TSHZ2: variants seen among roughly 807,000 people sequenced by gnomAD.
TSHZ2 encodes the protein teashirt zinc finger homeobox 2.
In TSHZ2, 21 loss-of-function variants were observed where a neutral mutation model predicts 74.4. The ratio of observed to expected loss-of-function variants is 0.28; its 90% CI spans 0.20 to 0.41. The LOEUF is 0.41. Among genes scored for constraint, TSHZ2 ranks in the 10% least tolerant of loss-of-function variants. TSHZ2 has a pLI of 1.00. For missense variants in TSHZ2, 1,244 were observed against 1,293.5 expected, an observed-to-expected ratio of 0.96 and a Z score of 0.59; for synonymous variants, 540 against 515.3, an observed-to-expected ratio of 1.05 and a Z score of -0.65.
At chr20:53,398,790 G>A (rs1435615865) in intron 2 of TSHZ2, 4 of 152,138 alleles carry the variant, frequency 2.6e-5, no homozygotes, top group Admixed American at 2.6e-4. Context: ...GGATAATTTA[G>A]ATCCTGCTCA....
In TSHZ2 at chr20:53,255,783, C is replaced by T. The variant is rs538998480; in HGVS notation, c.2325C>T (p.Ala775=). The T allele has an allele frequency of 4.3e-6, 7 of 1,613,974 alleles. No homozygotes were observed. In the Admixed American group the frequency reaches 5.0e-5, roughly 12 times the overall value. Residue 775 remains alanine, a synonymous_variant, in exon 2 of 3, where the codon GCC becomes GCT. Transcript: ENST00000371497. This position sits in a 1 kb window ranked among gnomAD's most constrained non-coding sequence, Gnocchi z 4.1. ...IDLTKSKSKK[A]ESSQAQSCMS... ...TGACCAAGTCCAAAAGCAAGAAAGC[C>T]GAGTCCTCGCAAGCACAATCTTGTA...
chr20:53,099,844 C>T (rs997448748), intron 1 of TSHZ2, among the ~76,000 whole-genome samples: 12 of 152,174 alleles, frequency 7.9e-5, no homozygotes, highest in African/African-American at 2.9e-4. Flanking sequence ...ATGGGAGCTA[C>T]AATTCAAGAG....
chr20:53,052,928 A>G (rs1234593681), intron 1 of TSHZ2, among the ~76,000 whole-genome samples: 1 of 152,244 alleles, frequency 6.6e-6, no homozygotes, highest in Non-Finnish European at 1.5e-5. Flanking sequence ...ATAAAATTCA[A>G]CAGTGTTTCG....
intron 1 of TSHZ2, among the ~76,000 whole-genome samples, chr20:53,093,044 A>G (rs2123266604): frequency 6.6e-6 from 1 of 152,304 alleles, no homozygotes; most frequent in Non-Finnish European, 1.5e-5. Flanking sequence ...GAAGAGATGC[A>G]TTTGACTCTT....
intron 2 of TSHZ2, among the ~76,000 whole-genome samples, chr20:53,348,184 G>A (rs551024700): frequency 3.9e-5 from 6 of 152,244 alleles, no homozygotes; most frequent in Non-Finnish European, 5.9e-5. Context: ...GTGTTCTAAC[G>A]AAAACTTTTA....
intron 2 of TSHZ2, among the ~76,000 whole-genome samples, chr20:53,429,773 T>G (rs1426275916): frequency 6.6e-6 from 1 of 152,210 alleles, no homozygotes; most frequent in African/African-American, 2.4e-5. Context: ...TAGATGGTAC[T>G]TGGGTGAGCT....
intron 1 of TSHZ2, among the ~76,000 whole-genome samples, chr20:52,997,437 C>T (rs535145230): frequency 6.6e-6 from 1 of 152,256 alleles, no homozygotes; most frequent in East Asian, 1.9e-4. Flanking sequence ...TCCCTTAATC[C>T]TTTAATGATT....
At chr20:53,121,926 T>A (rs1215670123) in intron 1 of TSHZ2, among the ~76,000 whole-genome samples, 1 of 152,126 alleles carries the variant, frequency 6.6e-6, no homozygotes, top group East Asian at 1.9e-4. Flanking sequence ...TTGCTTAAAA[T>A]GTCATCTACA....
At chr20:53,231,749 ACACT>A (rs1989829516) in intron 1 of TSHZ2, among the ~76,000 whole-genome samples, 2 of 152,196 alleles carry the variant, frequency 1.3e-5, no homozygotes, top group Admixed American at 1.3e-4. Context: ...ACGGGAACAC[ACACT>A]CACACACTAT....
At chr20:53,053,040 C>T (rs555992473) in intron 1 of TSHZ2, among the ~76,000 whole-genome samples, 3 of 152,306 alleles carry the variant, frequency 2.0e-5, no homozygotes, top group East Asian at 3.9e-4. Flanking sequence ...ACACCTCCTT[C>T]CTCCCTTCCC....
intron 2 of TSHZ2, among the ~76,000 whole-genome samples, chr20:53,337,528 C>A (rs1202753595): frequency 6.6e-6 from 1 of 152,164 alleles, no homozygotes; most frequent in Non-Finnish European, 1.5e-5. Context: ...TGTTCCTCAG[C>A]CACTCTAGGA....
intron 2 of TSHZ2, among the ~76,000 whole-genome samples, chr20:53,417,349 T>A (rs1983306273): frequency 6.6e-6 from 1 of 151,632 alleles, no homozygotes; most frequent in South Asian, 2.1e-4. Flanking sequence ...CAGGCTGGAG[T>A]GCAGTGGCAC....
intron 1 of TSHZ2, among the ~76,000 whole-genome samples, chr20:53,210,042 T>C (rs190145385): frequency 6.6e-6 from 1 of 152,188 alleles, no homozygotes; most frequent in East Asian, 1.9e-4. Context: ...AAGAAGCAAA[T>C]TAATAATGAA....
intron 2 of TSHZ2, among the ~76,000 whole-genome samples, chr20:53,361,475 C>A (rs901475408): frequency 6.6e-6 from 1 of 152,166 alleles, no homozygotes; most frequent in Admixed American, 6.5e-5. Context: ...TCAGAAGTAC[C>A]TGCAAAACAA....
At chr20:53,222,639 C>A (rs1046433615) in intron 1 of TSHZ2, among the ~76,000 whole-genome samples, 11 of 152,298 alleles carry the variant, frequency 7.2e-5, no homozygotes, top group Middle Eastern at 3.4e-3. Context: ...ACTTAAAAAG[C>A]AGGAACCATG....
At chr20:53,426,104 G>A (rs943958102) in intron 2 of TSHZ2, among the ~76,000 whole-genome samples, 39 of 152,178 alleles carry the variant, frequency 2.6e-4, no homozygotes, top group South Asian at 2.1e-4. Context: ...GACAAACTCC[G>A]AGTAACTGAG....
intron 2 of TSHZ2, among the ~76,000 whole-genome samples, chr20:53,259,620 T>C (rs1267215499): frequency 6.6e-6 from 1 of 152,198 alleles, no homozygotes; most frequent in African/African-American, 2.4e-5. Context: ...GGCAGGAAAG[T>C]ATTCTAGTCC....
chr20:53,055,021 T>G (rs889603127), intron 1 of TSHZ2, among the ~76,000 whole-genome samples: 10 of 152,162 alleles, frequency 6.6e-5, no homozygotes, highest in African/African-American at 2.2e-4. Context: ...ATCTTCTGAT[T>G]TCAAAATGTT....
At chr20:53,480,114 G>A (rs1270877105) in intron 2 of TSHZ2, among the ~76,000 whole-genome samples, 1 of 149,298 alleles carries the variant, frequency 6.7e-6, no homozygotes, top group African/African-American at 2.5e-5. Flanking sequence ...TGTTGCCCAG[G>A]CTAGAGTGCA....
Sources: gnomAD v4.1 joint callset for allele counts (sites outside exome capture counted in the v4.1 genomes callset) on GRCh38, gnomAD v4.1.1 for gene constraint, Gnocchi (gnomAD v3.1) non-coding constraint, MANE v1.5 for transcripts, NCBI Gene and HGNC (gene_info 2026-07-23, HGNC 2026-07-21) for gene names.